The following ABCC8 variants were observed in gnomAD, a reference collection of about 807,000 sequenced individuals.
ABCC8 encodes ATP binding cassette subfamily C member 8.
A neutral mutation model predicts 188.0 loss-of-function variants in ABCC8; 137 were observed. The observed-to-expected ratio is 0.73, with a 90% CI of 0.63 to 0.84. ABCC8 has a LOEUF of 0.84. ABCC8 is among the 40% of genes least tolerant of loss of function. The probability of loss-of-function intolerance (pLI) is 0.00; values close to 1 mark genes in which losing one functional copy is unlikely to be tolerated. For missense variants in ABCC8, 1,750 were observed against 2,072.7 expected, an observed-to-expected ratio of 0.84 and a Z score of 3.02; for synonymous variants, 797 against 846.5, an observed-to-expected ratio of 0.94 and a Z score of 1.01.
intron 3 of ABCC8, among the ~76,000 whole-genome samples, chr11:17,466,962 G>A (rs779093221): frequency 1.3e-5 from 2 of 151,656 alleles, no homozygotes; most frequent in African/African-American, 2.4e-5. Flanking sequence ...CACCATGCCC[G>A]GCTGTGAATA....
At chr11:17,405,631 T>C (rs760919809) in intron 26 of ABCC8, 68 bp from the exon 27 acceptor site, 44 of 1,612,754 alleles carry the variant, frequency 2.7e-5, no homozygotes, top group Non-Finnish European at 3.6e-5. Flanking sequence ...CTGAATGAGA[T>C]AGTTAATTAT....
downstream of ABCC8, chr11:17,392,538 A>G: frequency 3.7e-6 from 1 of 273,708 alleles, no homozygotes. Context: ...CTTTTAAGAC[A>G]CAGAGAGAAA....
intron 3 of ABCC8, 150 bp downstream of exon 3, chr11:17,469,951 C>T: frequency 1.0e-6 from 1 of 971,662 alleles, no homozygotes. Flanking sequence ...CTTCACCAGA[C>T]TGTAAGCTCC....
intron 18 of ABCC8, 114 bp downstream of exon 18, chr11:17,415,190 C>T: frequency 2.0e-6 from 3 of 1,472,600 alleles, no homozygotes; most frequent in Non-Finnish European, 2.8e-6. Flanking sequence ...TGGCCTCCCC[C>T]AACACTGGGG....
rs1237790382 is a variant in ABCC8 at position 17,393,015 on chromosome 11, G to A, written c.4722C>T (p.Ala1574=). The part of the protein sequence containing the change: ...KLLSRKDSVF[A]SFVRADK Reference sequence around the variant, plus strand: ...GTCACTTGTCTGCACGGACGAAGGAGGCGAAGACGCTGTCCTTCCGGCTGA... The same window carrying A: ...GTCACTTGTCTGCACGGACGAAGGAAGCGAAGACGCTGTCCTTCCGGCTGA... The change falls in exon 39 of 39, where the codon GCC becomes GCT. Residue 1574 remains alanine (A), a synonymous_variant. Transcript: ENST00000389817. 2.5e-6 allele frequency: 4 copies of A among 1,614,066 alleles called. No individual in the cohort carries two copies. Among genetic ancestry groups the A allele is most frequent in the East Asian group, 4.5e-5 (2 of 44,904 alleles).
chr11:17,421,872 ACAC>A (rs1268278023), intron 16 of ABCC8, among the ~76,000 whole-genome samples: 1 of 152,130 alleles, frequency 6.6e-6, no homozygotes. Context: ...TCTCCATTCT[ACAC>A]CTCCTAATCC....
At chr11:17,447,517 C>T (rs1956584568) in intron 8 of ABCC8, among the ~76,000 whole-genome samples, 1 of 152,154 alleles carries the variant, frequency 6.6e-6, no homozygotes, top group East Asian at 1.9e-4. Context: ...CCTTGAACTC[C>T]TGGGGTCAAG....
intron 31 of ABCC8, 159 bp from the exon 32 acceptor site, chr11:17,397,472 G>T: frequency 4.7e-6 from 7 of 1,480,440 alleles, no homozygotes; most frequent in Non-Finnish European, 6.4e-6. Context: ...GAGGCACAGG[G>T]AGGGTCAGTC....
intron 22 of ABCC8, 26 bp downstream of exon 22, chr11:17,410,490 A>G (rs1175663697): frequency 6.2e-7 from 1 of 1,613,598 alleles, no homozygotes; most frequent in Non-Finnish European, 8.5e-7. Flanking sequence ...TGCCCCCTAT[A>G]GCCTGACCCC....
In ABCC8 at chr11:17,404,774, A is replaced by C; in HGVS notation, c.3400-105T>G. On this transcript the variant is annotated intron_variant, in intron 27 of 38. Coordinates refer to ENST00000389817, the MANE Select transcript of ABCC8 (RefSeq NM_000352.6). The surrounding 1 kb of genome is among the most constrained non-coding windows in gnomAD (Gnocchi z 4.7). ...CTCTCACTTTATTTTTTGATCCTTT[A>C]TTTTTTTGAGACTGAGTCTCACTGT... 1 of 1,496,696 alleles carries C rather than the reference A, an allele frequency of 6.7e-7. No individual in the cohort carries two copies. Among genetic ancestry groups the C allele is most frequent in the Non-Finnish European group, 9.1e-7 (1 of 1,104,094 alleles). The allele number at this position is 1,496,696 out of a possible 1,614,324, so 92.7% of individuals were successfully genotyped here. A position where few individuals can be genotyped will look rare whatever the true frequency, so the allele number is the denominator to read the frequency against.
downstream of ABCC8, chr11:17,392,808 T>C (rs1953694855): frequency 1.4e-6 from 1 of 706,156 alleles, no homozygotes; most frequent in East Asian, 2.7e-5. Context: ...AGCTTCTGCC[T>C]GATGTCAGAG....
chr11:17,429,072 G>A (rs1955729273), intron 12 of ABCC8: 2 of 238,394 alleles, frequency 8.4e-6, no homozygotes, highest in Admixed American at 1.0e-4. Context: ...TGTGTTAACT[G>A]TTTTGTAGCA....
Position 17,413,418 on chromosome 11 carries a change from T to C in ABCC8, c.2451A>G (p.Gly817=), listed in dbSNP as rs2133473459. 1 of 1,614,194 alleles carries C rather than the reference T, an allele frequency of 6.2e-7. No individual in the cohort carries two copies. The highest frequency in any genetic ancestry group is 1.3e-5 in the African/African-American group (1 of 75,040). The change falls in exon 20 of 39, where the codon GGA becomes GGG. Residue 817 remains glycine, a synonymous_variant. Transcript: ENST00000389817. The part of the protein sequence containing the change: ...LQPDIDILPH[G]DQTQIGERGI... ...CCCGTTCCCCAATCTGGGTCTGGTCTCCATGGGGCAGGATGTCGATGTCTG... is the reference window on the plus strand; with the variant it reads ...CCCGTTCCCCAATCTGGGTCTGGTCCCCATGGGGCAGGATGTCGATGTCTG...
intron 10 of ABCC8, 57 bp downstream of exon 10, chr11:17,442,663 C>A: frequency 1.9e-6 from 3 of 1,569,516 alleles, no homozygotes; most frequent in Non-Finnish European, 2.6e-6. Flanking sequence ...AGCTCTGACA[C>A]CCTCTCCTTG....
chr11:17,467,936 G>T (rs1678869833), intron 3 of ABCC8, among the ~76,000 whole-genome samples: 1 of 152,252 alleles, frequency 6.6e-6, no homozygotes, highest in Non-Finnish European at 1.5e-5. Flanking sequence ...AACATTATGT[G>T]TTTGCTGGAG....
At chr11:17,421,748 G>A (rs1955353325) in intron 16 of ABCC8, among the ~76,000 whole-genome samples, 1 of 152,220 alleles carries the variant, frequency 6.6e-6, no homozygotes, top group Non-Finnish European at 1.5e-5. Flanking sequence ...GAGACCAAAT[G>A]TGAACCCAGG....
chr11:17,396,328 C>G (rs1293839505), intron 33 of ABCC8: 1 of 362,528 alleles, frequency 2.8e-6, no homozygotes, highest in Non-Finnish European at 5.3e-6. Flanking sequence ...GGAGCCACCT[C>G]TGATCCCGTT....
chr11:17,413,468 C>A lies in ABCC8; in HGVS notation c.2401G>T (p.Val801Phe), dbSNP rs750187276. 2 of 1,613,990 alleles carry A rather than the reference C, an allele frequency of 1.2e-6. No homozygotes were observed. Among genetic ancestry groups the A allele is most frequent in the South Asian group, 2.2e-5 (2 of 91,078 alleles). ...SPFNKQRYKM[V>F]IEACSLQPDI... ...GGCTGCAGAGAGCAGGCTTCAATGA[C>A]CATCTTGTACCTGGCGTGGGTAGAG... The change falls in exon 20 of 39, where the codon GTC (valine) becomes TTC (phenylalanine). Residue 801 changes from valine to phenylalanine, a missense_variant. By Grantham distance (50) the Val-to-Phe change is conservative. Transcript: ENST00000389817.
At chr11:17,463,654 T>C (rs1319196761) in intron 3 of ABCC8, 50 bp from the exon 4 acceptor site, 1 of 1,552,044 alleles carries the variant, frequency 6.4e-7, no homozygotes, top group South Asian at 1.2e-5. Flanking sequence ...ATCATGTGTG[T>C]ACACTCACAT....
Sources: gnomAD v4.1 joint callset for allele counts (sites outside exome capture counted in the v4.1 genomes callset) on GRCh38, gnomAD v4.1.1 for gene constraint, Gnocchi (gnomAD v3.1) non-coding constraint, MANE v1.5 for transcripts, NCBI Gene and HGNC (gene_info 2026-07-23, HGNC 2026-07-21) for gene names.